Variants in MAP3K20 observed in about 807,000 individuals in gnomAD.
MAP3K20 encodes the protein HCCS-4.
Under a neutral mutation model 85.7 loss-of-function variants are expected in MAP3K20, and 40 were observed. That is an observed-to-expected ratio of 0.47 (90% CI 0.36 to 0.61). The LOEUF is 0.61. MAP3K20 is among the 20% of genes least tolerant of loss of function. MAP3K20 has a pLI of 0.00. For synonymous variants in MAP3K20, 325 were observed against 327.7 expected, an observed-to-expected ratio of 0.99 and a Z score of 0.09; for missense variants, 817 against 961.7, an observed-to-expected ratio of 0.85 and a Z score of 1.99.
At chr2:173,235,604 G>A (rs1014898399) in intron 14 of MAP3K20, among the ~76,000 whole-genome samples, 6 of 152,202 alleles carry the variant, frequency 3.9e-5, no homozygotes, top group African/African-American at 1.4e-4. Context: ...ACTGCCTAAT[G>A]GGAGTAGAGC....
At chr2:173,187,677 G>A in intron 5 of MAP3K20, 54 bp downstream of exon 5, 1 of 1,466,864 alleles carries the variant, frequency 6.8e-7, no homozygotes, top group Non-Finnish European at 9.4e-7. Context: ...ACATACACTT[G>A]CATGTAGAAA....
chr2:173,132,698 G>A (rs1043439059), intron 2 of MAP3K20, among the ~76,000 whole-genome samples: 2 of 152,220 alleles, frequency 1.3e-5, no homozygotes, highest in Non-Finnish European at 2.9e-5. Flanking sequence ...GTGACTAGGA[G>A]TGCAGGCTCA....
At chr2:173,146,142 A>G (rs1689129429) in intron 2 of MAP3K20, among the ~76,000 whole-genome samples, 1 of 152,004 alleles carries the variant, frequency 6.6e-6, no homozygotes, top group African/African-American at 2.4e-5. Context: ...TATTTTCAAG[A>G]CTCTACCTTA....
intron 2 of MAP3K20, among the ~76,000 whole-genome samples, chr2:173,114,493 T>C (rs1286901208): frequency 1.3e-5 from 2 of 152,204 alleles, no homozygotes; most frequent in African/African-American, 4.8e-5. Context: ...TTTTGTTTTA[T>C]AGGTCCTGTG....
intron 7 of MAP3K20, 70 bp downstream of exon 7, chr2:173,191,247 A>G (rs1344359756): frequency 2.5e-6 from 4 of 1,583,510 alleles, no homozygotes; most frequent in East Asian, 4.5e-5. Context: ...GAAGAGAGAT[A>G]CAGTTTAACA....
rs531647996 is a variant in MAP3K20, at chr2:173,225,229, TG to T, written c.988-4458del. On this transcript the variant is annotated intron_variant, in intron 11 of 19. Coordinates refer to ENST00000375213, the MANE Select transcript of MAP3K20 (RefSeq NM_016653.3). ...TTTTTGGTTGTCACAGCAACTGGGG[TG>T]GCATTTGCTGCCCAGTGCCAGGAAT... The T allele has an allele frequency of 3.2e-4, 229 of 711,636 alleles. No homozygotes were observed. The African/African-American group carries it at 4.1e-3, about 13-fold the overall frequency. The allele number at this position is 711,636 out of a possible 1,614,324, so 44.1% of individuals were successfully genotyped here. A position where few individuals can be genotyped will look rare whatever the true frequency, so the allele number is the denominator to read the frequency against.
intron 16 of MAP3K20, among the ~76,000 whole-genome samples, chr2:173,247,712 ATAAC>A (rs1455037430): frequency 2.0e-5 from 3 of 152,216 alleles, no homozygotes; most frequent in Admixed American, 6.5e-5. Flanking sequence ...TATAAAAATA[ATAAC>A]TAATAAATAA....
At chr2:173,211,638 C>T (rs989141588) in intron 10 of MAP3K20, 1 of 151,400 alleles carries the variant, frequency 6.6e-6, no homozygotes, top group African/African-American at 2.4e-5. Flanking sequence ...TAATTCGGGC[C>T]AGGCACAGTG....
At chr2:173,141,020 T>C (rs1057271123) in intron 2 of MAP3K20, among the ~76,000 whole-genome samples, 1 of 152,194 alleles carries the variant, frequency 6.6e-6, no homozygotes, top group Non-Finnish European at 1.5e-5. Context: ...TATGATATTT[T>C]ATATGTATAT....
intron 1 of MAP3K20, among the ~76,000 whole-genome samples, chr2:173,086,751 C>T (rs1285310337): frequency 6.6e-6 from 1 of 152,202 alleles, no homozygotes; most frequent in Non-Finnish European, 1.5e-5. Context: ...TGTCTCAGTT[C>T]ATCCACATTC....
intron 2 of MAP3K20, among the ~76,000 whole-genome samples, chr2:173,124,914 G>A (rs1688398955): frequency 6.6e-6 from 1 of 152,182 alleles, no homozygotes; most frequent in African/African-American, 2.4e-5. Context: ...CTTGATCCCA[G>A]GAGTTCCAGG....
At position 173,178,668 on chromosome 2, in the gene MAP3K20, A is replaced by G. The variant is rs561609835; in HGVS notation, c.248-4186A>G. ...AAAAATAATAATAATTGAATTAGTAATTTTAAATATTTCCATAAAGAAAAT... is the reference window on the plus strand; with the variant it reads ...AAAAATAATAATAATTGAATTAGTAGTTTTAAATATTTCCATAAAGAAAAT... On this transcript the variant is annotated intron_variant, in intron 3 of 19. Transcript: ENST00000375213. Among the ~76,000 whole-genome samples the G allele has an allele frequency of 7.3e-4, 111 of 152,284 alleles. 4 individuals carry two copies. In the South Asian group the frequency reaches 0.022, roughly 30 times the overall value.
At chr2:173,175,132 TA>T (rs1690116548) in intron 3 of MAP3K20, among the ~76,000 whole-genome samples, 1 of 152,212 alleles carries the variant, frequency 6.6e-6, no homozygotes, top group Non-Finnish European at 1.5e-5. Context: ...GTGACCTTTA[TA>T]AGCTTTGAAA....
intron 2 of MAP3K20, chr2:173,160,275 A>T (rs1169524807): frequency 6.6e-6 from 1 of 152,110 alleles, no homozygotes; most frequent in Non-Finnish European, 1.5e-5. Flanking sequence ...GCCCAAAGTG[A>T]CTCAAAGGGC....
At chr2:173,223,008 G>T (rs975322813) in intron 11 of MAP3K20, 8 of 985,280 alleles carry the variant, frequency 8.1e-6, no homozygotes, top group Admixed American at 6.1e-5. Context: ...GAAGTTTAAA[G>T]AAAGGACATC....
intron 14 of MAP3K20, among the ~76,000 whole-genome samples, chr2:173,237,089 C>T (rs549040314): frequency 1.6e-5 from 2 of 124,848 alleles, no homozygotes; most frequent in South Asian, 2.7e-4. Flanking sequence ...TGCAATGGTG[C>T]GATCTTGGCT....
At chr2:173,246,570 C>A (rs1684918994) in intron 16 of MAP3K20, among the ~76,000 whole-genome samples, 1 of 152,106 alleles carries the variant, frequency 6.6e-6, no homozygotes, top group Admixed American at 6.5e-5. Flanking sequence ...ATCAAATCAC[C>A]CAGCAGTTTT....
intron 2 of MAP3K20, chr2:173,166,917 T>TG (rs1253328006): frequency 8.8e-5 from 13 of 147,370 alleles, no homozygotes; most frequent in Non-Finnish European, 1.9e-4. Context: ...TCTGTTTTTT[T>TG]TTTTTTTTTT....
intron 2 of MAP3K20, among the ~76,000 whole-genome samples, chr2:173,115,076 G>A (rs181084264): frequency 0.032 from 4,882 of 152,224 alleles, 277 homozygotes; most frequent in African/African-American, 0.11. Flanking sequence ...CATAATCCCA[G>A]ACTTCTTAGA....
Sources: gnomAD v4.1 joint callset for allele counts (sites outside exome capture counted in the v4.1 genomes callset) on GRCh38, gnomAD v4.1.1 for gene constraint, MANE v1.5 for transcripts, NCBI Gene and HGNC (gene_info 2026-07-23, HGNC 2026-07-21) for gene names.